RSU1: variants seen among roughly 807,000 people sequenced by gnomAD.
The protein encoded by RSU1 is Ras suppressor protein 1, also known as rsu-1.
In RSU1, 26 loss-of-function variants were observed where a neutral mutation model predicts 31.1. The ratio of observed to expected loss-of-function variants is 0.84; its 90% CI spans 0.61 to 1.16. RSU1 has a LOEUF of 1.16. Among genes scored for constraint, RSU1 ranks in the 50% most tolerant of loss-of-function variants. The pLI, the probability that RSU1 is intolerant of heterozygous loss-of-function variation, is 0.00. For missense variants in RSU1, 320 were observed against 339.1 expected (o/e 0.94, Z 0.44); for synonymous variants, 164 against 136.3 (o/e 1.20, Z -1.41).
chr10:16,707,341 C>A (rs1835927786), intron 7 of RSU1, among the ~76,000 whole-genome samples: 1 of 152,108 alleles, frequency 6.6e-6, no homozygotes, highest in South Asian at 2.1e-4. Context: ...GGTTAATTTA[C>A]AATCCCACCA....
At chr10:16,712,751 C>A (rs1836047534) in intron 7 of RSU1, among the ~76,000 whole-genome samples, 1 of 152,092 alleles carries the variant, frequency 6.6e-6, no homozygotes, top group Admixed American at 6.5e-5. Flanking sequence ...TACATAGGAC[C>A]ATTAAATCAC....
chr10:16,785,491 T>TATATATATACACATATATACATATATAC lies in RSU1; in HGVS notation c.110-3408_110-3407insGTATATATGTATATATGTGTATATATAT, dbSNP rs1837768679. On this transcript the variant is annotated intron_variant, in intron 2 of 8. Transcript: ENST00000345264. Reference sequence around the variant, plus strand: ...ATATACACATATATACATATATACATATATATATACACATATATACATATA... The same window carrying TATATATATACACATATATACATATATAC: ...ATATACACATATATACATATATACATATATATATACACATATATACATATATACATATATATACACATATATACATATA... 3.1e-5 allele frequency among the ~76,000 whole-genome samples: 4 copies of TATATATATACACATATATACATATATAC among 128,212 alleles called. 1 individual carries two copies. Among genetic ancestry groups the TATATATATACACATATATACATATATAC allele is most frequent in the African/African-American group, 1.7e-4 (4 of 23,812 alleles). The allele number at this position is 128,212 out of a possible 152,430, so 84.1% of individuals were successfully genotyped here.
In RSU1 at chr10:16,645,894, GTATATACACATATA is replaced by G. The variant is rs1215554346; in HGVS notation, c.731+49115_731+49128del. On this transcript the variant is annotated intron_variant, in intron 8 of 8. Transcript: ENST00000345264. ...TACATATATGTGTATATACATATAT[GTATATACACATATA>G]TGTATATATATGTGTATATACACAT... 1.6e-3 allele frequency among the ~76,000 whole-genome samples: 103 copies of G among 62,512 alleles called. 28 individuals carry two copies. The highest frequency in any genetic ancestry group is 9.0e-3 in the African/African-American group (93 of 10,296). The allele number at this position is 62,512 out of a possible 152,430, so 41.0% of individuals were successfully genotyped here. A position where few individuals can be genotyped will look rare whatever the true frequency, so the allele number is the denominator to read the frequency against.
At chr10:16,620,716 G>C (rs1338679333) in intron 8 of RSU1, among the ~76,000 whole-genome samples, 1 of 152,016 alleles carries the variant, frequency 6.6e-6, no homozygotes, top group Non-Finnish European at 1.5e-5. Flanking sequence ...GTGGTGATGG[G>C]TGCCTGTAGT....
chr10:16,704,057 C>T (rs545131808), intron 7 of RSU1, among the ~76,000 whole-genome samples: 9 of 152,118 alleles, frequency 5.9e-5, no homozygotes, highest in African/African-American at 1.9e-4. Flanking sequence ...GGACCACACT[C>T]TAAAAGAAAA....
At chr10:16,770,814 C>T (rs1191855502) in intron 3 of RSU1, among the ~76,000 whole-genome samples, 1 of 152,218 alleles carries the variant, frequency 6.6e-6, no homozygotes, top group African/African-American at 2.4e-5. Context: ...ATGGAGGCAA[C>T]GCTACTGTCT....
intron 7 of RSU1, among the ~76,000 whole-genome samples, chr10:16,742,586 A>T (rs963557372): frequency 1.3e-5 from 2 of 152,032 alleles, no homozygotes; most frequent in South Asian, 2.1e-4. Flanking sequence ...TAACAACTGT[A>T]TTTAGAGACA....
At chr10:16,698,036 G>A (rs937745443) in intron 7 of RSU1, among the ~76,000 whole-genome samples, 4 of 138,904 alleles carry the variant, frequency 2.9e-5, no homozygotes, top group African/African-American at 8.3e-5. Context: ...GGAAGAGGGA[G>A]AAGAGGAGGG....
At chr10:16,735,432 C>T (rs756778364) in intron 7 of RSU1, among the ~76,000 whole-genome samples, 144 of 152,276 alleles carry the variant, frequency 9.5e-4, no homozygotes, top group Non-Finnish European at 1.8e-4. Context: ...ATAATTATAC[C>T]TTTCCACATT....
intron 7 of RSU1, among the ~76,000 whole-genome samples, chr10:16,738,369 T>G (rs535706246): frequency 6.6e-6 from 1 of 152,132 alleles, no homozygotes; most frequent in East Asian, 1.9e-4. Flanking sequence ...GAGAATGACG[T>G]GAACCCAGGA....
chr10:16,761,144 C>T (rs374206336), intron 4 of RSU1, among the ~76,000 whole-genome samples: 4 of 152,110 alleles, frequency 2.6e-5, no homozygotes, highest in African/African-American at 4.8e-5. Flanking sequence ...GGTTTCGCCA[C>T]GTTGACCAGG....
rs1833544178 is a variant in RSU1 at position 16,593,342 on chromosome 10, G to A, written c.*52C>T. On this transcript the variant is annotated 3_prime_UTR_variant, in exon 9 of 9. Coordinates refer to ENST00000345264, the MANE Select transcript of RSU1 (RefSeq NM_012425.4). ...TTTGAGAGACAGGGCAAGAGAGAAT[G>A]AAGTGTTGGAGAGAGAAGGTGCTGG... 5.6e-6 allele frequency: 9 copies of A among 1,612,884 alleles called. No homozygotes were observed. Among genetic ancestry groups the A allele is most frequent in the Middle Eastern group, 1.6e-4 (1 of 6,068 alleles).
intron 3 of RSU1, among the ~76,000 whole-genome samples, chr10:16,768,984 C>T (rs1228570102): frequency 4.6e-5 from 7 of 152,200 alleles, no homozygotes; most frequent in Non-Finnish European, 5.9e-5. Flanking sequence ...CATGTATCTA[C>T]GGCCATCGGT....
chr10:16,680,227 C>T (rs975106283), intron 8 of RSU1, among the ~76,000 whole-genome samples: 5 of 151,814 alleles, frequency 3.3e-5, no homozygotes, highest in African/African-American at 4.8e-5. Flanking sequence ...ACACCTTTAA[C>T]GGGGTATCAA....
At chr10:16,763,589 C>T (rs1008060616) in intron 4 of RSU1, among the ~76,000 whole-genome samples, 1 of 152,144 alleles carries the variant, frequency 6.6e-6, no homozygotes, top group Non-Finnish European at 1.5e-5. Context: ...GATTACAATT[C>T]CACATGAGAT....
chr10:16,771,403 A>G (rs934598938), intron 3 of RSU1, among the ~76,000 whole-genome samples: 1 of 152,212 alleles, frequency 6.6e-6, no homozygotes, highest in Non-Finnish European at 1.5e-5. Context: ...TCAAAGTAAA[A>G]GCACAGCCTT....
At chr10:16,620,357 G>A (rs986086260) in intron 8 of RSU1, among the ~76,000 whole-genome samples, 1 of 151,886 alleles carries the variant, frequency 6.6e-6, no homozygotes, top group African/African-American at 2.4e-5. Flanking sequence ...CTACATATAA[G>A]CAAAAAACAG....
intron 8 of RSU1, among the ~76,000 whole-genome samples, chr10:16,618,770 T>A (rs1010587470): frequency 6.6e-6 from 1 of 152,044 alleles, no homozygotes; most frequent in African/African-American, 2.4e-5. Context: ...TAAGTGGTAG[T>A]TGAATGATGA....
chr10:16,681,972 C>T (rs4748310), intron 8 of RSU1, among the ~76,000 whole-genome samples: 20,144 of 152,050 alleles, frequency 0.13, 1,497 homozygotes, highest in East Asian at 0.36. Flanking sequence ...CAGCATGGTG[C>T]ATCCTATGAA....
Sources: gnomAD v4.1 joint callset for allele counts (sites outside exome capture counted in the v4.1 genomes callset) on GRCh38, gnomAD v4.1.1 for gene constraint, MANE v1.5 for transcripts, NCBI Gene and HGNC (gene_info 2026-07-23, HGNC 2026-07-21) for gene names.